Variants in CHD6 observed in about 807,000 individuals in gnomAD.
CHD6 encodes ATP-dependent chromatin remodeler CHD6.
In CHD6, 50 loss-of-function variants were observed where a neutral mutation model predicts 276.9. That is an observed-to-expected ratio of 0.18 (90% CI 0.14 to 0.23). The LOEUF (loss-of-function observed/expected upper bound fraction) is 0.23. Among genes scored for constraint, CHD6 ranks in the 10% least tolerant of loss-of-function variants. The probability of loss-of-function intolerance (pLI) is 1.00; values close to 1 mark genes in which losing one functional copy is unlikely to be tolerated. For missense variants in CHD6, 2,564 were observed against 3,365.8 expected (o/e 0.76, Z 5.89); for synonymous variants, 1,173 against 1,229.3 (o/e 0.95, Z 0.96).
chr20:41,428,974 G>A (rs1442580795), intron 27 of CHD6, among the ~76,000 whole-genome samples: 2 of 152,170 alleles, frequency 1.3e-5, no homozygotes, highest in African/African-American at 4.8e-5. Flanking sequence ...TGCTTGTTCA[G>A]TTCCTAATTA....
intron 17 of CHD6, among the ~76,000 whole-genome samples, chr20:41,463,196 A>G (rs1396488007): frequency 6.6e-6 from 1 of 152,222 alleles, no homozygotes; most frequent in Non-Finnish European, 1.5e-5. Flanking sequence ...ATATTGACAT[A>G]AAATAAATAA....
At chr20:41,615,966 G>A (rs1271902643) in intron 1 of CHD6, among the ~76,000 whole-genome samples, 3 of 152,242 alleles carry the variant, frequency 2.0e-5, no homozygotes, top group Non-Finnish European at 4.4e-5. Context: ...TGTTGTTTCT[G>A]ATAGGTTTTC....
chr20:41,428,570 G>C (rs551182197), intron 27 of CHD6, among the ~76,000 whole-genome samples: 8 of 152,300 alleles, frequency 5.3e-5, no homozygotes, highest in Non-Finnish European at 5.9e-5. Context: ...GGACACACGT[G>C]GTTTGGAGTC....
At chr20:41,611,289 C>T (rs2045884869) in intron 1 of CHD6, among the ~76,000 whole-genome samples, 1 of 152,174 alleles carries the variant, frequency 6.6e-6, no homozygotes, top group South Asian at 2.1e-4. Flanking sequence ...GGTAGAAATG[C>T]TAAAGGGTCT....
In CHD6 at chr20:41,480,641, C is replaced by T. The variant is rs551913591; in HGVS notation, c.2468+2668G>A. On this transcript the variant is annotated intron_variant, in intron 16 of 36. Transcript: ENST00000373233. The stretch of plus-strand genomic sequence containing the variant: ...AAACATTCATCTTCCACAGTGAGAA[C>T]GGATAATACCTACAACTGAAAAATA... Among the ~76,000 whole-genome samples, 35 of 152,058 alleles carry T rather than the reference C, an allele frequency of 2.3e-4. No homozygotes were observed. In the South Asian group the frequency reaches 4.6e-3, roughly 20 times the overall value.
chr20:41,422,743 G>A lies in CHD6; in HGVS notation c.4556-664C>T, dbSNP rs538933581. ...TACCTTGCTCCACGTGACAGAACCA[G>A]GATTTAAATCCAGGTTTTGTCAGTG... On this transcript the variant is annotated intron_variant, in intron 30 of 36. Coordinates refer to ENST00000373233, the MANE Select transcript of CHD6 (RefSeq NM_032221.5). 5.3e-5 allele frequency among the ~76,000 whole-genome samples: 8 copies of A among 152,286 alleles called. No homozygotes were observed. The South Asian group carries it at 1.2e-3, about 24-fold the overall frequency.
chr20:41,592,593 C>T (rs1430450955), intron 1 of CHD6, among the ~76,000 whole-genome samples: 1 of 152,152 alleles, frequency 6.6e-6, no homozygotes, highest in South Asian at 2.1e-4. Context: ...CAAATAGAAA[C>T]TGGAGCTACC....
At chr20:41,587,964 G>A (rs910076740) in intron 1 of CHD6, among the ~76,000 whole-genome samples, 21 of 152,152 alleles carry the variant, frequency 1.4e-4, no homozygotes, top group Non-Finnish European at 2.2e-4. Context: ...CCCTGGAGGA[G>A]CCATGAGGGA....
chr20:41,514,780 C>A, intron 4 of CHD6, 25 bp downstream of exon 4: 1 of 1,611,258 alleles, frequency 6.2e-7, no homozygotes, highest in Non-Finnish European at 8.5e-7. Flanking sequence ...GTAATCTCCA[C>A]CAGGCCTCCC....
chr20:41,593,992 TAA>T (rs879583202), intron 1 of CHD6, among the ~76,000 whole-genome samples: 5 of 138,612 alleles, frequency 3.6e-5, no homozygotes, highest in Non-Finnish European at 3.2e-5. Flanking sequence ...AAATTTTGCT[TAA>T]AAAAAAAAAA....
At chr20:41,487,545 T>C in intron 14 of CHD6, 120 bp downstream of exon 14, 1 of 931,588 alleles carries the variant, frequency 1.1e-6, no homozygotes, top group South Asian at 1.7e-5. Flanking sequence ...ATAAAGGAGG[T>C]AACGCTCATT....
Position 41,419,554 on chromosome 20 carries a change from C to CAAAAAAAAA in CHD6, c.6127+945_6127+953dup, listed in dbSNP as rs58696183. ...TGGGTGACAGAGCAAGACTCTGTCT[C>CAAAAAAAAA]AAAAAAAAAAAAAAAAAAAAAAAAA... On this transcript the variant is annotated intron_variant, in intron 31 of 36. Coordinates refer to ENST00000373233, the MANE Select transcript of CHD6 (RefSeq NM_032221.5). Among the ~76,000 whole-genome samples, 25 of 23,468 alleles carry CAAAAAAAAA rather than the reference C, an allele frequency of 1.1e-3. 4 individuals are homozygous for CAAAAAAAAA. The highest frequency in any genetic ancestry group is 2.2e-3 in the African/African-American group (14 of 6,282). The allele number at this position is 23,468 out of a possible 152,430, so 15.4% of individuals were successfully genotyped here. A position where few individuals can be genotyped will look rare whatever the true frequency, so the allele number is the denominator to read the frequency against.
At chr20:41,436,642 C>G (rs908601157) in intron 27 of CHD6, among the ~76,000 whole-genome samples, 7 of 152,128 alleles carry the variant, frequency 4.6e-5, no homozygotes, top group Non-Finnish European at 1.5e-5. Context: ...GTTGAACAAA[C>G]TCTGGTTCTT....
intron 34 of CHD6, 73 bp downstream of exon 34, chr20:41,415,113 C>T (rs1054240359): frequency 1.3e-5 from 20 of 1,498,594 alleles, no homozygotes; most frequent in Middle Eastern, 1.8e-4. Context: ...AATTATTTTG[C>T]GTCTGAGGAA....
chr20:41,551,397 A>T, intron 1 of CHD6, 37 bp from the exon 2 acceptor site: 1 of 955,836 alleles, frequency 1.0e-6, no homozygotes, highest in Non-Finnish European at 1.6e-6. Flanking sequence ...GATTATGACA[A>T]AACCCAAAAT....
chr20:41,540,041 A>T (rs1238429810), intron 2 of CHD6, among the ~76,000 whole-genome samples: 1 of 152,180 alleles, frequency 6.6e-6, no homozygotes, highest in Non-Finnish European at 1.5e-5. Flanking sequence ...AACCATCATC[A>T]TGTCTGGGTG....
rs750924520 is a variant in CHD6 at position 41,421,623 on chromosome 20, T to C, written c.5012A>G (p.His1671Arg). ...ACATGTCACATCAGGCAGGCTGAGA[T>C]GATCATCTCTGCTTTCTACTCTCAC... ...NLVRVESRDDHLSLPDVTCEN... is the reference protein window; with the variant it reads ...NLVRVESRDDRLSLPDVTCEN... Residue 1671 changes from histidine (H) to arginine (R), a missense_variant, in exon 31 of 37, where the codon CAT (histidine) becomes CGT (arginine). Physicochemically the swap from His to Arg is conservative, Grantham distance 29. This residue lies in a region of CHD6 where 1,024 missense variants were observed against 1,047.9 expected (regional missense o/e 0.98). Transcript: ENST00000373233. 1 of 1,614,022 alleles carries C rather than the reference T, an allele frequency of 6.2e-7. No individual in the cohort carries two copies. The highest frequency in any genetic ancestry group is 1.7e-5 in the Admixed American group (1 of 60,010).
chr20:41,537,268 G>A (rs548705806), intron 2 of CHD6, among the ~76,000 whole-genome samples: 48 of 152,256 alleles, frequency 3.2e-4, no homozygotes, highest in African/African-American at 1.0e-3. Context: ...GGAGTCAACC[G>A]AGGATTGAAA....
intron 5 of CHD6, among the ~76,000 whole-genome samples, chr20:41,505,781 G>C (rs2043962727): frequency 6.6e-6 from 1 of 152,104 alleles, no homozygotes; most frequent in East Asian, 1.9e-4. Context: ...GCATCATCCA[G>C]CTCAGAACCT....
Sources: gnomAD v4.1 joint callset for allele counts (sites outside exome capture counted in the v4.1 genomes callset) on GRCh38, gnomAD v4.1.1 for gene constraint, gnomAD v4.1.1 regional missense constraint, MANE v1.5 for transcripts, NCBI Gene and HGNC (gene_info 2026-07-23, HGNC 2026-07-21) for gene names.